NAV3: variants seen among roughly 807,000 people sequenced by gnomAD.
NAV3 encodes pore membrane and/or filament interacting like protein 1.
NAV3 carries 87 observed loss-of-function variants against 244.7 expected under a neutral mutation model. The ratio of observed to expected loss-of-function variants is 0.36; its 90% confidence interval spans 0.30 to 0.42. NAV3 has a LOEUF of 0.42. Ranked by LOEUF, NAV3 falls within the 20% of genes least tolerant of loss-of-function variation. NAV3 has a pLI of 1.00. For synonymous variants in NAV3, 1,126 were observed against 1,042.2 expected (o/e 1.08, Z -1.55); for missense variants, 2,663 against 2,893.3 (o/e 0.92, Z 1.83).
chr12:77,980,459 G>T (rs1869368564), intron 5 of NAV3, among the ~76,000 whole-genome samples: 2 of 152,094 alleles, frequency 1.3e-5, no homozygotes, highest in African/African-American at 4.8e-5. Context: ...TATGTATTAA[G>T]AAATAATTTA....
intron 1 of NAV3, among the ~76,000 whole-genome samples, chr12:77,847,395 C>G (rs1400742200): frequency 2.6e-5 from 4 of 152,058 alleles, no homozygotes; most frequent in African/African-American, 9.7e-5. Flanking sequence ...TCTAGTTATC[C>G]CAGGCAGAAA....
intron 2 of NAV3, among the ~76,000 whole-genome samples, chr12:77,752,110 A>G (rs551182404): frequency 2.6e-5 from 4 of 152,196 alleles, no homozygotes; most frequent in East Asian, 1.9e-4. Context: ...CTGTGTGCCA[A>G]TTGTGGTCAA....
At chr12:78,091,445 C>T (rs886331550) in intron 12 of NAV3, 6 of 152,086 alleles carry the variant, frequency 3.9e-5, no homozygotes, top group African/African-American at 1.4e-4. Context: ...CTCAATTGAC[C>T]AATAATTTAA....
chr12:77,879,420 G>A lies in NAV3; in HGVS notation c.243+47716G>A, dbSNP rs573780353. Among the ~76,000 whole-genome samples, 4 of 152,100 alleles carry A rather than the reference G, an allele frequency of 2.6e-5. No individual in the cohort carries two copies. In the East Asian group the frequency reaches 7.8e-4, roughly 30 times the overall value. ...GCAGTGCTCACACCTGTATTCCTAAGACTTTGGGAGGTCCAGGCAGGTGGA... is the reference window on the plus strand; with the variant it reads ...GCAGTGCTCACACCTGTATTCCTAAAACTTTGGGAGGTCCAGGCAGGTGGA... On this transcript the variant is annotated intron_variant, in intron 1 of 39. Coordinates refer to ENST00000397909, the MANE Select transcript of NAV3 (RefSeq NM_001024383.2).
At chr12:77,643,543 G>A (rs698154) in intron 2 of NAV3, among the ~76,000 whole-genome samples, 5,208 of 151,692 alleles carry the variant, frequency 0.034, 94 homozygotes, top group Middle Eastern at 0.049. Context: ...AATTAGTTTA[G>A]CAAAATTCTA....
intron 2 of NAV3, among the ~76,000 whole-genome samples, chr12:77,647,587 A>G (rs1000817298): frequency 3.3e-5 from 5 of 152,096 alleles, no homozygotes; most frequent in Non-Finnish European, 7.4e-5. Context: ...ACACTTGAAA[A>G]GACCAGTGAA....
At chr12:77,994,893 T>A in intron 6 of NAV3, 22 bp downstream of exon 6, 1 of 1,529,934 alleles carries the variant, frequency 6.5e-7, no homozygotes, top group Non-Finnish European at 9.0e-7. Context: ...TTCTCTAATT[T>A]ATTGCTTATT....
At chr12:77,595,567 G>C (rs939754903) in intron 2 of NAV3, among the ~76,000 whole-genome samples, 13 of 152,094 alleles carry the variant, frequency 8.5e-5, no homozygotes, top group Admixed American at 8.5e-4. Context: ...ACTGGGAGAA[G>C]ATGGATATAT....
chr12:78,051,269 A>AATAACCTC, intron 11 of NAV3, 122 bp downstream of exon 11: 2 of 1,113,904 alleles, frequency 1.8e-6, no homozygotes, highest in Non-Finnish European at 2.5e-6. Context: ...GAGATATCTG[A>AATAACCTC]GGTTATTCAG....
At chr12:77,711,707 C>G (rs1276056136) in intron 2 of NAV3, among the ~76,000 whole-genome samples, 1 of 152,196 alleles carries the variant, frequency 6.6e-6, no homozygotes, top group East Asian at 1.9e-4. Context: ...TGGGCACCCA[C>G]AGACTGGAAG....
intron 2 of NAV3, among the ~76,000 whole-genome samples, chr12:77,725,044 A>G (rs1466355933): frequency 2.0e-5 from 3 of 151,994 alleles, no homozygotes; most frequent in Non-Finnish European, 4.4e-5. Flanking sequence ...TTTCCTAAGT[A>G]AAAAATATCA....
intron 2 of NAV3, among the ~76,000 whole-genome samples, chr12:77,621,294 T>A (rs1871358901): frequency 6.6e-6 from 1 of 152,176 alleles, no homozygotes; most frequent in Non-Finnish European, 1.5e-5. Flanking sequence ...GATTACAGAC[T>A]CTAACATATG....
At position 77,886,761 on chromosome 12, in the gene NAV3, T is replaced by TGTAA. The variant is rs540998930; in HGVS notation, c.244-53558_244-53557insGTAA. 4.1e-4 allele frequency among the ~76,000 whole-genome samples: 62 copies of TGTAA among 152,270 alleles called. 1 individual carries two copies. In the South Asian group the frequency reaches 5.6e-3, roughly 14 times the overall value. On this transcript the variant is annotated intron_variant, in intron 1 of 39. Transcript: ENST00000397909. Reference sequence around the variant, plus strand: ...ATTCTTTTTTTCTTACATAAATATCTAGAACAGTGCCTATCAATAAATAAT... The same window carrying TGTAA: ...ATTCTTTTTTTCTTACATAAATATCTGTAAAGAACAGTGCCTATCAATAAATAAT...
intron 2 of NAV3, among the ~76,000 whole-genome samples, chr12:77,707,313 G>T (rs570121535): frequency 7.7e-4 from 116 of 150,104 alleles, no homozygotes; most frequent in Non-Finnish European, 1.3e-3. Flanking sequence ...GTGGTGTTTG[G>T]TTTTTTGTCC....
intron 2 of NAV3, among the ~76,000 whole-genome samples, chr12:77,724,978 A>T (rs1479544541): frequency 1.3e-5 from 2 of 152,024 alleles, no homozygotes; most frequent in East Asian, 3.9e-4. Flanking sequence ...GAGTGAGTAC[A>T]TTTTATAATC....
intron 2 of NAV3, among the ~76,000 whole-genome samples, chr12:77,728,362 A>G (rs1455401570): frequency 6.6e-6 from 1 of 152,024 alleles, no homozygotes; most frequent in African/African-American, 2.4e-5. Context: ...AAGAAAGGTC[A>G]CACTTGCAAG....
At chr12:78,182,434 A>T (rs1294573184) in intron 30 of NAV3, among the ~76,000 whole-genome samples, 1 of 152,008 alleles carries the variant, frequency 6.6e-6, no homozygotes, top group Non-Finnish European at 1.5e-5. Context: ...AGTACCTTAT[A>T]GGTCAGACTA....
At chr12:77,673,636 A>G (rs1442675573) in intron 2 of NAV3, among the ~76,000 whole-genome samples, 4 of 152,094 alleles carry the variant, frequency 2.6e-5, no homozygotes, top group African/African-American at 9.7e-5. Flanking sequence ...CCTATTCCTG[A>G]ACTTTTGTAT....
rs370820887 is a variant in NAV3, at chr12:78,179,963, C to T, written c.5517+281C>T. Among the ~76,000 whole-genome samples, 7 of 152,214 alleles carry T rather than the reference C, an allele frequency of 4.6e-5. No individual in the cohort carries two copies. In the South Asian group the frequency reaches 1.2e-3, roughly 27 times the overall value. On this transcript the variant is annotated intron_variant, in intron 29 of 39. Transcript: ENST00000397909. ...GTTGAGAGCTAAGCTTTTAGAGAAG[C>T]TACTACAATTCTTGCTTCTTCACTT... is the stretch of plus-strand genomic sequence containing the variant.
Sources: gnomAD v4.1 joint callset for allele counts (sites outside exome capture counted in the v4.1 genomes callset) on GRCh38, gnomAD v4.1.1 for gene constraint, MANE v1.5 for transcripts, NCBI Gene and HGNC (gene_info 2026-07-23, HGNC 2026-07-21) for gene names.